Variants in PRKN observed in about 807,000 individuals in gnomAD.
PRKN encodes parkin RBR E3 ubiquitin protein ligase.
PRKN carries 56 observed loss-of-function variants against 59.5 expected under a neutral mutation model. The observed-to-expected ratio is 0.94, with a 90% confidence interval of 0.76 to 1.18. The LOEUF (loss-of-function observed/expected upper bound fraction) is 1.18, where lower values mean the gene tolerates loss of function less well. Among genes scored for constraint, PRKN ranks in the 50% most tolerant of loss-of-function variants. The probability of loss-of-function intolerance (pLI) is 0.00; values close to 1 mark genes in which losing one functional copy is unlikely to be tolerated. For missense variants in PRKN, 657 were observed against 596.4 expected, an observed-to-expected ratio of 1.10 and a Z score of -1.06; for synonymous variants, 250 against 222.1, an observed-to-expected ratio of 1.13 and a Z score of -1.12.
At chr6:162,491,918 T>C (rs1469283707) in intron 1 of PRKN, among the ~76,000 whole-genome samples, 1 of 152,190 alleles carries the variant, frequency 6.6e-6, no homozygotes, top group Non-Finnish European at 1.5e-5. Context: ...CTACTATTAA[T>C]AACAGATGGC....
chr6:161,481,652 GA>G (rs1003956204), intron 9 of PRKN, among the ~76,000 whole-genome samples: 5 of 151,850 alleles, frequency 3.3e-5, no homozygotes, highest in African/African-American at 9.7e-5. Flanking sequence ...AACAAACAAG[GA>G]AAAAAAGAAC....
chr6:162,709,876 C>T (rs1778465229), intron 1 of PRKN, among the ~76,000 whole-genome samples: 1 of 123,006 alleles, frequency 8.1e-6, no homozygotes, highest in Admixed American at 1.0e-4. Context: ...AGCGAATGCT[C>T]TTGCCTAGGA....
intron 1 of PRKN, among the ~76,000 whole-genome samples, chr6:162,680,258 CATAT>C (rs1779720335): frequency 6.7e-6 from 1 of 150,328 alleles, no homozygotes; most frequent in South Asian, 2.1e-4. Flanking sequence ...TATACAGATA[CATAT>C]ATACTTAATA....
intron 5 of PRKN, among the ~76,000 whole-genome samples, chr6:162,043,914 G>C (rs958769770): frequency 6.6e-6 from 1 of 152,114 alleles, no homozygotes; most frequent in African/African-American, 2.4e-5. Flanking sequence ...GGAGAAACAC[G>C]AACAGTCAAG....
chr6:162,514,168 A>G (rs1777747782), intron 1 of PRKN, among the ~76,000 whole-genome samples: 1 of 152,232 alleles, frequency 6.6e-6, no homozygotes, highest in African/African-American at 2.4e-5. Context: ...AATATAAAAT[A>G]TGAAAATAGT....
At chr6:161,450,644 C>T (rs576035489) in intron 9 of PRKN, among the ~76,000 whole-genome samples, 46 of 152,242 alleles carry the variant, frequency 3.0e-4, no homozygotes, top group Non-Finnish European at 5.9e-5. Context: ...GCAACCTCTG[C>T]CTCCCAGGTT....
At chr6:161,742,941 G>T (rs1162214704) in intron 7 of PRKN, among the ~76,000 whole-genome samples, 2 of 152,136 alleles carry the variant, frequency 1.3e-5, no homozygotes, top group African/African-American at 4.8e-5. Flanking sequence ...ATCCAACCTG[G>T]TTCCTGGTCT....
chr6:161,422,796 A>G (rs956160276), intron 9 of PRKN, among the ~76,000 whole-genome samples: 5 of 152,150 alleles, frequency 3.3e-5, no homozygotes, highest in Admixed American at 2.0e-4. Flanking sequence ...GGCAAATGAC[A>G]TATTTTCAAA....
At chr6:161,605,269 T>G (rs1472479634) in intron 7 of PRKN, among the ~76,000 whole-genome samples, 1 of 152,150 alleles carries the variant, frequency 6.6e-6, no homozygotes, top group Non-Finnish European at 1.5e-5. Flanking sequence ...TCACATTCTT[T>G]TGTGAGAAAA....
intron 2 of PRKN, among the ~76,000 whole-genome samples, chr6:162,335,395 A>G (rs965839068): frequency 1.9e-4 from 29 of 152,144 alleles, no homozygotes; most frequent in Non-Finnish European, 3.7e-4. Flanking sequence ...ACTACATTAC[A>G]GTGTAAACAT....
At chr6:162,577,413 G>A (rs1054250711) in intron 1 of PRKN, among the ~76,000 whole-genome samples, 14 of 151,086 alleles carry the variant, frequency 9.3e-5, no homozygotes, top group East Asian at 2.0e-4. Context: ...CAGCCTGGCC[G>A]ACATGGTGAA....
At chr6:161,918,637 C>T (rs952948622) in intron 6 of PRKN, among the ~76,000 whole-genome samples, 3 of 152,094 alleles carry the variant, frequency 2.0e-5, no homozygotes, top group Non-Finnish European at 2.9e-5. Flanking sequence ...AAATGCTTAA[C>T]GAACTCAGTG....
chr6:162,585,473 T>C (rs1190946627), intron 1 of PRKN, among the ~76,000 whole-genome samples: 2 of 152,154 alleles, frequency 1.3e-5, no homozygotes, highest in East Asian at 1.9e-4. Context: ...TCCATAGATA[T>C]TTACTCCAAT....
rs367950010 is a variant in PRKN, at chr6:161,897,688, T to C, written c.734+75614A>G. Among the ~76,000 whole-genome samples the C allele has an allele frequency of 3.3e-4, 51 of 152,310 alleles. 2 individuals are homozygous for C. In the South Asian group the frequency reaches 9.7e-3, roughly 29 times the overall value. On this transcript the variant is annotated intron_variant, in intron 6 of 11. Coordinates refer to ENST00000366898, the MANE Select transcript of PRKN (RefSeq NM_004562.3). ...TATGTTGTTCATGGCATATAAAATG[T>C]CTCCCAGTTGCGGCCGGGCGCGGTG...
At chr6:162,522,108 G>A (rs1778101454) in intron 1 of PRKN, among the ~76,000 whole-genome samples, 2 of 152,130 alleles carry the variant, frequency 1.3e-5, no homozygotes, top group South Asian at 4.1e-4. Context: ...ATACTTGTAT[G>A]ATCAATTACA....
intron 6 of PRKN, among the ~76,000 whole-genome samples, chr6:161,940,424 ATGT>A (rs1383746947): frequency 2.6e-5 from 4 of 152,216 alleles, no homozygotes; most frequent in Non-Finnish European, 2.9e-5. Flanking sequence ...TGGCTGCTCA[ATGT>A]TGATATAATG....
At chr6:161,646,425 C>G (rs112561967) in intron 7 of PRKN, among the ~76,000 whole-genome samples, 112 of 77,672 alleles carry the variant, frequency 1.4e-3, no homozygotes, top group Admixed American at 3.2e-3. Flanking sequence ...TGACAGTGGT[C>G]ACTGCGTGTG....
intron 3 of PRKN, among the ~76,000 whole-genome samples, chr6:162,202,063 T>G (rs1784752591): frequency 6.6e-6 from 1 of 152,186 alleles, no homozygotes; most frequent in South Asian, 2.1e-4. Flanking sequence ...TACAACCTTC[T>G]TCCTGAATTT....
At chr6:162,715,372 AC>A (rs1778684054) in intron 1 of PRKN, among the ~76,000 whole-genome samples, 1 of 152,232 alleles carries the variant, frequency 6.6e-6, no homozygotes, top group Non-Finnish European at 1.5e-5. Context: ...GTAAAGATAC[AC>A]TATAAAGATG....
Sources: allele counts gnomAD v4.1 joint callset (sites outside exome capture counted in the v4.1 genomes callset), GRCh38; gene constraint gnomAD v4.1.1; transcripts MANE v1.5; gene names NCBI Gene and HGNC (gene_info 2026-07-23, HGNC 2026-07-21).